Variants in LRP6 observed in about 807,000 individuals in gnomAD.
LRP6 encodes the protein LDL receptor related protein 6, also known as low-density lipoprotein receptor-related protein 6.
LRP6 carries 43 observed loss-of-function variants against 184.1 expected under a neutral mutation model. That is an observed-to-expected ratio of 0.23 (90% confidence interval 0.18 to 0.30). The LOEUF (loss-of-function observed/expected upper bound fraction) is 0.30, where lower values mean the gene tolerates loss of function less well. LRP6 is among the 10% of genes least tolerant of loss of function. The probability of loss-of-function intolerance (pLI) is 1.00; values close to 1 mark genes in which losing one functional copy is unlikely to be tolerated. For synonymous variants in LRP6, 719 were observed against 684.9 expected, an observed-to-expected ratio of 1.05 and a Z score of -0.78; for missense variants, 1,571 against 2,005.3, an observed-to-expected ratio of 0.78 and a Z score of 4.14.
chr12:12,142,137 C>T (rs1303455419), intron 15 of LRP6, among the ~76,000 whole-genome samples: 2 of 152,156 alleles, frequency 1.3e-5, no homozygotes, highest in Admixed American at 6.5e-5. Flanking sequence ...GAACTGAGAG[C>T]AGCAGAGTAG....
intron 18 of LRP6, 150 bp downstream of exon 18, chr12:12,131,671 A>G: frequency 2.7e-6 from 2 of 742,408 alleles, no homozygotes; most frequent in South Asian, 2.9e-5. Context: ...AATTAAAACA[A>G]TAATATGGAA....
At chr12:12,249,000 C>T in intron 1 of LRP6, 1 of 575,812 alleles carries the variant, frequency 1.7e-6, no homozygotes, top group Non-Finnish European at 3.1e-6. Flanking sequence ...GTGGCAGCCA[C>T]CACAGGCTCG....
chr12:12,131,209 G>A (rs1226528578), intron 18 of LRP6, among the ~76,000 whole-genome samples: 1 of 142,718 alleles, frequency 7.0e-6, no homozygotes, highest in African/African-American at 2.6e-5. Flanking sequence ...CCAGGTTCAC[G>A]CCATTCTCCT....
intron 12 of LRP6, among the ~76,000 whole-genome samples, chr12:12,152,601 A>C (rs1039132476): frequency 6.6e-6 from 1 of 152,262 alleles, no homozygotes; most frequent in Middle Eastern, 3.4e-3. Flanking sequence ...GACTTCTGGG[A>C]GACTACCAAC....
At chr12:12,265,875 G>C (rs1194235271) in intron 1 of LRP6, among the ~76,000 whole-genome samples, 2 of 152,056 alleles carry the variant, frequency 1.3e-5, no homozygotes, top group Admixed American at 6.6e-5. Flanking sequence ...ATCTCGAACA[G>C]CCTATGCAAT....
At chr12:12,149,277 G>GT in intron 13 of LRP6, 124 bp from the exon 14 acceptor site, 1 of 786,318 alleles carries the variant, frequency 1.3e-6, no homozygotes, top group Non-Finnish European at 2.2e-6. Context: ...GTCTTAAGGA[G>GT]TATTTCTTAC....
At position 12,117,861 on chromosome 12, in the gene LRP6, G is replaced by A. The variant is rs370426453; in HGVS notation, c.*3265C>T. 7 of 152,030 alleles carry A rather than the reference G, an allele frequency of 4.6e-5. No homozygotes were observed. Among genetic ancestry groups the A allele is most frequent in the African/African-American group, 1.7e-4 (7 of 41,400 alleles). The allele number at this position is 152,030 out of a possible 1,614,324, so 9.4% of individuals were successfully genotyped here. On this transcript the variant is annotated 3_prime_UTR_variant, in exon 23 of 23. Coordinates refer to ENST00000261349, the MANE Select transcript of LRP6 (RefSeq NM_002336.3). ...CCTTCATATAAATTACTGACTTTAG[G>A]ATATTTTTAAATGATAAAGAAATAC... is the stretch of plus-strand genomic sequence containing the variant.
rs1862670349 is a variant in LRP6, at chr12:12,159,010, C to T, written c.2610G>A (p.Gln870=). Residue 870 remains glutamine, a synonymous_variant, in exon 12 of 23, where the codon CAG becomes CAA. Coordinates refer to ENST00000261349, the MANE Select transcript of LRP6 (RefSeq NM_002336.3). ...TGTCCATCACATAATCCAAATGGCC[C>T]TGAATGATGGTGCGGTTTTGGCCAC... ...KTSGQNRTII[Q]GHLDYVMDIL... 6.2e-7 allele frequency: 1 copy of T among 1,614,170 alleles called. No homozygotes were observed. Among genetic ancestry groups the T allele is most frequent in the Non-Finnish European group, 8.5e-7 (1 of 1,180,030 alleles).
At chr12:12,218,416 G>A (rs1285432211) in intron 2 of LRP6, among the ~76,000 whole-genome samples, 2 of 151,336 alleles carry the variant, frequency 1.3e-5, no homozygotes, top group Non-Finnish European at 2.9e-5. Context: ...AGTTGAGGCT[G>A]CAATGAGCCA....
At position 12,117,207 on chromosome 12, in the gene LRP6, G is replaced by A. The variant is rs1199651919; in HGVS notation, c.*3919C>T. 2 of 152,102 alleles carry A rather than the reference G, an allele frequency of 1.3e-5. No individual in the cohort carries two copies. Among genetic ancestry groups the A allele is most frequent in the Non-Finnish European group, 2.9e-5 (2 of 68,008 alleles). 9.4% of individuals were successfully genotyped at this position (152,102 alleles called of 1,614,324 possible). A position where few individuals can be genotyped will look rare whatever the true frequency, so the allele number is the denominator to read the frequency against. On this transcript the variant is annotated 3_prime_UTR_variant, in exon 23 of 23. Transcript: ENST00000261349. The stretch of plus-strand genomic sequence containing the variant: ...TACCAAATAAAATTAAATTCCTTGG[G>A]TTTAAGAATTCTGATAATGTTTTAA...
intron 19 of LRP6, 65 bp from the exon 20 acceptor site, chr12:12,126,986 A>C: frequency 7.7e-7 from 1 of 1,305,446 alleles, no homozygotes; most frequent in Non-Finnish European, 1.1e-6. Flanking sequence ...AATAGTAATC[A>C]AAAGAGGGCT....
Position 12,159,175 on chromosome 12 carries a change from A to G in LRP6, c.2465-20T>C. 6.3e-7 allele frequency: 1 copy of G among 1,581,870 alleles called. No individual in the cohort carries two copies. On this transcript the variant is annotated intron_variant, in intron 11 of 22. Transcript: ENST00000261349. ...TGAGCCCTATTTTCAGAAAGGCAGT[A>G]GACAGGGGAGAAGCAGAGTGATGAA... is the stretch of plus-strand genomic sequence containing the variant.
chr12:12,165,283 C>G lies in LRP6; in HGVS notation c.1558G>C (p.Asp520His). Residue 520 changes from aspartate (D) to histidine (H), a missense_variant, in exon 8 of 23, where the codon GAT becomes CAT. Physicochemically the swap from Asp to His is moderately conservative, Grantham distance 81. Coordinates refer to ENST00000261349, the MANE Select transcript of LRP6 (RefSeq NM_002336.3). ...KTDKIEVMNT[D>H]GTGRRVLVED... Reference sequence around the variant, plus strand: ...ACTAGTACTCGTCTCCCAGTGCCATCAGTATTCATAACCTTCAGGTTTAAA... The same window carrying G: ...ACTAGTACTCGTCTCCCAGTGCCATGAGTATTCATAACCTTCAGGTTTAAA... 10 of 1,611,822 alleles carry G rather than the reference C, an allele frequency of 6.2e-6. No individual in the cohort carries two copies. Among genetic ancestry groups the G allele is most frequent in the Non-Finnish European group, 8.5e-6 (10 of 1,178,096 alleles).
In LRP6 at chr12:12,249,693, AAGGAAGG is replaced by A. The variant is rs1865276529; in HGVS notation, c.56-5045_56-5039del. 1.4e-4 allele frequency among the ~76,000 whole-genome samples: 19 copies of A among 134,938 alleles called. 1 individual carries two copies. In the South Asian group the frequency reaches 4.7e-3, roughly 33 times the overall value. 88.5% of individuals were successfully genotyped at this position (134,938 alleles called of 152,430 possible). On this transcript the variant is annotated intron_variant, in intron 1 of 22. Coordinates refer to ENST00000261349, the MANE Select transcript of LRP6 (RefSeq NM_002336.3). ...AACAGAAGGAAGGAAGGAAGGAAGG[AAGGAAGG>A]AAGGAAGGAAGGAAGGAAGGAAGGA...
intron 2 of LRP6, among the ~76,000 whole-genome samples, chr12:12,216,224 G>A (rs1003905196): frequency 1.3e-5 from 2 of 151,998 alleles, no homozygotes; most frequent in African/African-American, 4.8e-5. Flanking sequence ...AAGATTTGGA[G>A]ACCCCTCTAT....
At chr12:12,254,322 A>G (rs1385236652) in intron 1 of LRP6, among the ~76,000 whole-genome samples, 1 of 152,150 alleles carries the variant, frequency 6.6e-6, no homozygotes, top group Non-Finnish European at 1.5e-5. Flanking sequence ...GCTAACACAG[A>G]TCCAGCAGAA....
chr12:12,180,168 A>G (rs934866280), intron 6 of LRP6, among the ~76,000 whole-genome samples, 187 bp from the exon 7 acceptor site: 1 of 150,790 alleles, frequency 6.6e-6, no homozygotes, highest in African/African-American at 2.4e-5. Flanking sequence ...AGATTGTGGG[A>G]AATTTTCAGA....
chr12:12,242,106 G>T (rs371626219), intron 2 of LRP6, among the ~76,000 whole-genome samples: 4 of 152,174 alleles, frequency 2.6e-5, no homozygotes, highest in East Asian at 3.9e-4. Flanking sequence ...GTACTATCAG[G>T]TAATCATTAA....
intron 12 of LRP6, among the ~76,000 whole-genome samples, chr12:12,152,658 G>C (rs933491398): frequency 6.6e-6 from 1 of 152,090 alleles, no homozygotes; most frequent in Non-Finnish European, 1.5e-5. Context: ...TAAAATATCT[G>C]TATACATTTC....
Sources: gnomAD v4.1 joint callset for allele counts (sites outside exome capture counted in the v4.1 genomes callset) on GRCh38, gnomAD v4.1.1 for gene constraint, MANE v1.5 for transcripts, NCBI Gene and HGNC (gene_info 2026-07-23, HGNC 2026-07-21) for gene names.